SVOP: variants seen among roughly 807,000 people sequenced by gnomAD.
SVOP encodes the protein SV2 related protein, also known as synaptic vesicle 2-related protein.
In SVOP, 17 loss-of-function variants were observed where a neutral mutation model predicts 69.1. The ratio of observed to expected loss-of-function variants is 0.25; its 90% CI spans 0.17 to 0.37. The LOEUF is 0.37. Among genes scored for constraint, SVOP ranks in the 10% least tolerant of loss-of-function variants. The probability of loss-of-function intolerance (pLI) is 1.00; values close to 1 mark genes in which losing one functional copy is unlikely to be tolerated. For synonymous variants in SVOP, 238 were observed against 238.6 expected, an observed-to-expected ratio of 1.00 and a Z score of 0.02; for missense variants, 435 against 597.5, an observed-to-expected ratio of 0.73 and a Z score of 2.84.
intron 1 of SVOP, among the ~76,000 whole-genome samples, chr12:109,014,240 T>C (rs2040357147): frequency 6.6e-6 from 1 of 152,144 alleles, no homozygotes; most frequent in Non-Finnish European, 1.5e-5. Flanking sequence ...GGTCTTGAAC[T>C]CCTGCCTTGG....
intron 11 of SVOP, among the ~76,000 whole-genome samples, chr12:108,926,002 T>C (rs1393624420): frequency 6.6e-6 from 1 of 151,678 alleles, no homozygotes; most frequent in Admixed American, 6.6e-5. Flanking sequence ...CACTGCAGCC[T>C]TGAATTCCTG....
At chr12:108,916,832 T>TC (rs1448221717) in intron 14 of SVOP, among the ~76,000 whole-genome samples, 1 of 152,140 alleles carries the variant, frequency 6.6e-6, no homozygotes, top group Non-Finnish European at 1.5e-5. Flanking sequence ...AGCCTCGACC[T>TC]CCCCGGGTTC....
intron 5 of SVOP, among the ~76,000 whole-genome samples, chr12:108,971,748 C>A (rs1198342739): frequency 6.6e-6 from 1 of 152,036 alleles, no homozygotes; most frequent in Non-Finnish European, 1.5e-5. Flanking sequence ...GGAGCTCAGT[C>A]CTGCTGGGAT....
At position 108,958,528 on chromosome 12, in the gene SVOP, G is replaced by T. The variant is rs141230891; in HGVS notation, c.578+2395C>A. On this transcript the variant is annotated intron_variant, in intron 6 of 15. Transcript: ENST00000610966. ...TGAGGACAGTTTATGATGTTTGCACGGTGACAAAATCACCTATTGATGCAT... is the reference window on the plus strand; with the variant it reads ...TGAGGACAGTTTATGATGTTTGCACTGTGACAAAATCACCTATTGATGCAT... 2.5e-3 allele frequency among the ~76,000 whole-genome samples: 375 copies of T among 152,108 alleles called. 2 individuals carry two copies. Among genetic ancestry groups the T allele is most frequent in the African/African-American group, 8.9e-3 (368 of 41,488 alleles).
chr12:108,975,540 T>C (rs2040101684), intron 4 of SVOP, among the ~76,000 whole-genome samples: 1 of 152,128 alleles, frequency 6.6e-6, no homozygotes, highest in Non-Finnish European at 1.5e-5. Flanking sequence ...GTGACAGTAA[T>C]AAAAGCACCT....
At chr12:108,944,235 T>C (rs2039909967) in intron 7 of SVOP, among the ~76,000 whole-genome samples, 1 of 151,366 alleles carries the variant, frequency 6.6e-6, no homozygotes, top group Admixed American at 6.6e-5. Context: ...TGGAGTGCAG[T>C]GATGTGATCA....
At chr12:108,963,332 T>C (rs2040027282) in intron 5 of SVOP, among the ~76,000 whole-genome samples, 1 of 152,212 alleles carries the variant, frequency 6.6e-6, no homozygotes, top group Admixed American at 6.5e-5. Flanking sequence ...TCGAGTCTTT[T>C]AGAAAATGAC....
At chr12:108,975,964 G>C (rs938912245) in intron 4 of SVOP, among the ~76,000 whole-genome samples, 1 of 152,102 alleles carries the variant, frequency 6.6e-6, no homozygotes, top group Non-Finnish European at 1.5e-5. Context: ...GCCTCCCAAA[G>C]TGCTGGGATT....
chr12:108,955,346 T>C (rs2039979320), intron 6 of SVOP, among the ~76,000 whole-genome samples: 1 of 152,160 alleles, frequency 6.6e-6, no homozygotes, highest in African/African-American at 2.4e-5. Flanking sequence ...GGGCAGTAGT[T>C]GTGTCTGCAG....
chr12:108,946,730 T>TTAC (rs1224144356), intron 6 of SVOP, among the ~76,000 whole-genome samples: 1 of 143,966 alleles, frequency 6.9e-6, no homozygotes, highest in Non-Finnish European at 1.5e-5. Context: ...ATTATTATTA[T>TTAC]TATTTTGAGA....
intron 11 of SVOP, among the ~76,000 whole-genome samples, chr12:108,931,186 G>A (rs61021125): frequency 0.017 from 2,619 of 152,068 alleles, 59 homozygotes; most frequent in African/African-American, 0.059. Flanking sequence ...CAGTGAGATG[G>A]GACTCCACTA....
chr12:108,908,321 T>C lies in SVOP; in HGVS notation c.*4214A>G, dbSNP rs2039660385. The stretch of plus-strand genomic sequence containing the variant: ...GGCTGTACTTTATTCCTATGCAATC[T>C]CTCTAAACTGTCAGAGTGAACCATC... On this transcript the variant is annotated 3_prime_UTR_variant, in exon 16 of 16. Coordinates refer to ENST00000610966, the MANE Select transcript of SVOP (RefSeq NM_018711.5). The C allele has an allele frequency of 6.6e-6, 1 of 152,222 alleles. No homozygotes were observed. The highest frequency in any genetic ancestry group is 1.5e-5 in the Non-Finnish European group (1 of 68,024). 9.4% of individuals were successfully genotyped at this position (152,222 alleles called of 1,614,324 possible).
intron 6 of SVOP, among the ~76,000 whole-genome samples, chr12:108,955,897 T>C (rs961078198): frequency 6.6e-6 from 1 of 152,342 alleles, no homozygotes; most frequent in Non-Finnish European, 1.5e-5. Context: ...AGAAAACAGA[T>C]GCAGGAAGGT....
chr12:108,937,429 G>A, intron 9 of SVOP, 92 bp from the exon 10 acceptor site: 1 of 1,254,120 alleles, frequency 8.0e-7, no homozygotes, highest in Non-Finnish European at 1.2e-6. Flanking sequence ...CACCAGGCTG[G>A]GAGGAAGGTT....
intron 7 of SVOP, among the ~76,000 whole-genome samples, chr12:108,943,599 C>A (rs796599113): frequency 0.016 from 2,170 of 136,006 alleles, 28 homozygotes; most frequent in Middle Eastern, 0.086. Flanking sequence ...CTCTGTCTCA[C>A]AAAAAAAAAA....
At chr12:108,913,956 C>T (rs2039700020) in intron 15 of SVOP, among the ~76,000 whole-genome samples, 1 of 152,228 alleles carries the variant, frequency 6.6e-6, no homozygotes, top group African/African-American at 2.4e-5. Flanking sequence ...CAGCCCATTT[C>T]TTCATTTGCC....
chr12:108,994,968 C>A (rs535937019), intron 1 of SVOP, among the ~76,000 whole-genome samples: 6 of 151,878 alleles, frequency 4.0e-5, no homozygotes, highest in Non-Finnish European at 8.8e-5. Context: ...TAGTAAGACC[C>A]TCATCTCAAC....
At chr12:108,945,811 C>A (rs1337810785) in intron 6 of SVOP, among the ~76,000 whole-genome samples, 1 of 152,184 alleles carries the variant, frequency 6.6e-6, no homozygotes, top group Non-Finnish European at 1.5e-5. Flanking sequence ...AACCTGAGCC[C>A]TTCTCAGCAC....
chr12:109,002,515 T>A (rs2040277846), intron 1 of SVOP, among the ~76,000 whole-genome samples: 1 of 138,878 alleles, frequency 7.2e-6, no homozygotes, highest in Admixed American at 7.6e-5. Flanking sequence ...ACACGTATGT[T>A]TATTGCGGCA....
Sources: gnomAD v4.1 joint callset for allele counts (sites outside exome capture counted in the v4.1 genomes callset) on GRCh38, gnomAD v4.1.1 for gene constraint, MANE v1.5 for transcripts, NCBI Gene and HGNC (gene_info 2026-07-23, HGNC 2026-07-21) for gene names.